FRMD4A: variants seen among roughly 807,000 people sequenced by gnomAD.
FRMD4A encodes FERM domain-containing protein 4A.
In FRMD4A, 29 loss-of-function variants were observed where a neutral mutation model predicts 129.1. The ratio of observed to expected loss-of-function variants is 0.22; its 90% CI spans 0.17 to 0.31. The LOEUF is 0.31. Ranked by LOEUF, FRMD4A falls within the 10% of genes least tolerant of loss-of-function variation. The probability of loss-of-function intolerance (pLI) is 1.00; values close to 1 mark genes in which losing one functional copy is unlikely to be tolerated. For synonymous variants in FRMD4A, 634 were observed against 571.6 expected, an observed-to-expected ratio of 1.11 and a Z score of -1.56; for missense variants, 1,272 against 1,375.8, an observed-to-expected ratio of 0.92 and a Z score of 1.19.
At chr10:14,122,719 G>GAAC (rs1262742584) in intron 2 of FRMD4A, among the ~76,000 whole-genome samples, 4 of 152,024 alleles carry the variant, frequency 2.6e-5, no homozygotes, top group Non-Finnish European at 5.9e-5. Flanking sequence ...CCACCCTCAT[G>GAAC]AACAAATCAC....
At chr10:14,115,904 T>C (rs1002935979) in intron 2 of FRMD4A, among the ~76,000 whole-genome samples, 4 of 152,214 alleles carry the variant, frequency 2.6e-5, no homozygotes, top group African/African-American at 9.6e-5. Context: ...AGACATCAAC[T>C]TAAAACTCCA....
chr10:13,744,248 C>G (rs1237845870), intron 9 of FRMD4A, among the ~76,000 whole-genome samples: 1 of 152,102 alleles, frequency 6.6e-6, no homozygotes, highest in Non-Finnish European at 1.5e-5. Context: ...CCAGCATTTA[C>G]AAACTAGGCC....
At chr10:14,054,107 G>A (rs1490127594) in intron 2 of FRMD4A, among the ~76,000 whole-genome samples, 1 of 152,140 alleles carries the variant, frequency 6.6e-6, no homozygotes, top group East Asian at 1.9e-4. Context: ...TGAGGCTGCA[G>A]TGAGCTCTGA....
At chr10:13,699,100 C>T (rs922051422) in intron 14 of FRMD4A, among the ~76,000 whole-genome samples, 8 of 147,594 alleles carry the variant, frequency 5.4e-5, no homozygotes, top group Middle Eastern at 3.3e-3. Flanking sequence ...CTGTCAACCA[C>T]GCTGGAGTGC....
At chr10:14,208,546 T>C (rs1019238925) in intron 2 of FRMD4A, among the ~76,000 whole-genome samples, 1 of 152,088 alleles carries the variant, frequency 6.6e-6, no homozygotes, top group Non-Finnish European at 1.5e-5. Flanking sequence ...GAGGGGACTC[T>C]GCGAACCTCC....
intron 8 of FRMD4A, among the ~76,000 whole-genome samples, chr10:13,753,524 G>A (rs1423718127): frequency 2.0e-5 from 3 of 149,452 alleles, no homozygotes; most frequent in Non-Finnish European, 3.0e-5. Flanking sequence ...ACACATTGAT[G>A]AAATATGTAC....
At chr10:14,131,397 C>CCCT (rs151200711) in intron 2 of FRMD4A, among the ~76,000 whole-genome samples, 14 of 70,968 alleles carry the variant, frequency 2.0e-4, no homozygotes, top group South Asian at 5.6e-4. Flanking sequence ...ACTCACTGTG[C>CCCT]CCCCCCCGGC....
intron 2 of FRMD4A, among the ~76,000 whole-genome samples, chr10:14,189,136 C>A (rs1163430824): frequency 6.6e-6 from 1 of 152,222 alleles, no homozygotes; most frequent in Non-Finnish European, 1.5e-5. Flanking sequence ...GAGAGCTTAA[C>A]ATCTCGCGTC....
At chr10:13,679,651 C>T (rs1034694063) in intron 15 of FRMD4A, among the ~76,000 whole-genome samples, 1 of 151,150 alleles carries the variant, frequency 6.6e-6, no homozygotes, top group African/African-American at 2.4e-5. Context: ...AGAGCAGCTC[C>T]CCGTGAACCT....
At chr10:14,267,648 A>G (rs1845023663) in intron 2 of FRMD4A, among the ~76,000 whole-genome samples, 1 of 152,266 alleles carries the variant, frequency 6.6e-6, no homozygotes, top group East Asian at 1.9e-4. Flanking sequence ...ATGAATTTAA[A>G]ACTACAAATA....
chr10:13,652,321 T>A (rs908107621), intron 23 of FRMD4A: 1 of 335,462 alleles, frequency 3.0e-6, no homozygotes. Context: ...CAAGACCATC[T>A]TAAGTGCATA....
Position 13,821,508 on chromosome 10 carries a change from T to G in FRMD4A, c.112-10600A>C, listed in dbSNP as rs1458889643. ...AAATCCTTTACCTCTAGTCTAGGAG[T>G]GACAGTGGCATCACATCGCTGCAGC... is the stretch of plus-strand genomic sequence containing the variant. On this transcript the variant is annotated intron_variant, in intron 3 of 24. Transcript: ENST00000357447. This position sits in a 1 kb window ranked among gnomAD's most constrained non-coding sequence, Gnocchi z 4.3. Among the ~76,000 whole-genome samples the G allele has an allele frequency of 1.3e-5, 2 of 151,754 alleles. No individual in the cohort carries two copies. The highest frequency in any genetic ancestry group is 2.9e-5 in the Non-Finnish European group (2 of 67,966).
intron 2 of FRMD4A, among the ~76,000 whole-genome samples, chr10:14,113,058 C>T (rs1038179801): frequency 6.6e-6 from 1 of 152,178 alleles, no homozygotes; most frequent in African/African-American, 2.4e-5. Flanking sequence ...GAATCCCCTA[C>T]AGAGTTGTAT....
rs1006032173 is a variant in FRMD4A, at chr10:14,152,167, G to T, written c.45+177891C>A. ...TTTTGAGACATAGTCTCGCTCTGTC[G>T]CCCAGGCTGGAGTGCAGTGGCATGA... On this transcript the variant is annotated intron_variant, in intron 2 of 24. Transcript: ENST00000357447. 3.5e-5 allele frequency among the ~76,000 whole-genome samples: 4 copies of T among 112,754 alleles called. No homozygotes were observed. In the East Asian group the frequency reaches 1.2e-3, roughly 34 times the overall value. The allele number at this position is 112,754 out of a possible 152,430, so 74.0% of individuals were successfully genotyped here.
intron 13 of FRMD4A, among the ~76,000 whole-genome samples, chr10:13,704,363 G>C (rs535594050): frequency 6.6e-6 from 1 of 152,278 alleles, no homozygotes; most frequent in Admixed American, 6.5e-5. Context: ...AGTGTACTCA[G>C]AGCGAGTTTG....
intron 2 of FRMD4A, chr10:13,972,452 G>A (rs1243990236): frequency 1.2e-5 from 3 of 249,130 alleles, no homozygotes; most frequent in African/African-American, 6.9e-5. Flanking sequence ...GAAATGGCTG[G>A]AAAGAATACT....
chr10:13,905,975 G>A (rs964876219), intron 2 of FRMD4A, among the ~76,000 whole-genome samples: 1 of 152,180 alleles, frequency 6.6e-6, no homozygotes, highest in Non-Finnish European at 1.5e-5. Context: ...GCCACCCCTT[G>A]AAATCAGAAT....
At chr10:14,203,937 C>A (rs1441908057) in intron 2 of FRMD4A, among the ~76,000 whole-genome samples, 1 of 152,158 alleles carries the variant, frequency 6.6e-6, no homozygotes, top group Non-Finnish European at 1.5e-5. Context: ...GTAGTTTGAC[C>A]CACAGTTCCC....
At chr10:14,315,643 A>G (rs1846711520) in intron 2 of FRMD4A, among the ~76,000 whole-genome samples, 1 of 152,250 alleles carries the variant, frequency 6.6e-6, no homozygotes. Context: ...GCTCCTCAGC[A>G]GAGTATTGTG....
Sources: allele counts gnomAD v4.1 joint callset (sites outside exome capture counted in the v4.1 genomes callset), GRCh38; gene constraint gnomAD v4.1.1; non-coding constraint Gnocchi (gnomAD v3.1); transcripts MANE v1.5; gene names NCBI Gene and HGNC (gene_info 2026-07-23, HGNC 2026-07-21).